SLC37A1: variants seen among roughly 807,000 people sequenced by gnomAD.
SLC37A1 encodes solute carrier family 37 member 1.
A neutral mutation model predicts 75.3 loss-of-function variants in SLC37A1; 49 were observed. The ratio of observed to expected loss-of-function variants is 0.65; its 90% CI spans 0.52 to 0.83. The LOEUF is 0.83. Among genes scored for constraint, SLC37A1 ranks in the 40% least tolerant of loss-of-function variants. SLC37A1 has a pLI of 0.00. For missense variants in SLC37A1, 566 were observed against 695.0 expected (o/e 0.81, Z 2.09); for synonymous variants, 268 against 292.1 (o/e 0.92, Z 0.84).
intron 9 of SLC37A1, among the ~76,000 whole-genome samples, chr21:42,550,219 C>T (rs1718070657): frequency 6.6e-6 from 1 of 152,194 alleles, no homozygotes; most frequent in African/African-American, 2.4e-5. Flanking sequence ...GATCATCCTG[C>T]ACCTAGACTG....
intron 18 of SLC37A1, among the ~76,000 whole-genome samples, chr21:42,578,231 C>T (rs758914705): frequency 4.6e-5 from 7 of 152,192 alleles, no homozygotes; most frequent in South Asian, 2.1e-4. Context: ...GCCTGGCGCA[C>T]GACCGAAGGC....
At chr21:42,535,428 TA>T (rs1238828802) in intron 4 of SLC37A1, 43 bp from the exon 5 acceptor site, 2 of 1,537,768 alleles carry the variant, frequency 1.3e-6, no homozygotes, top group Non-Finnish European at 1.8e-6. Flanking sequence ...GAACATAAAC[TA>T]AACAATACTG....
chr21:42,528,793 C>T (rs1454883149), intron 3 of SLC37A1, among the ~76,000 whole-genome samples: 1 of 152,136 alleles, frequency 6.6e-6, no homozygotes, highest in African/African-American at 2.4e-5. Context: ...CGCACCATTG[C>T]CCTCCAGCCT....
intron 2 of SLC37A1, among the ~76,000 whole-genome samples, chr21:42,523,315 G>A (rs2054699485): frequency 6.6e-6 from 1 of 152,226 alleles, no homozygotes; most frequent in Non-Finnish European, 1.5e-5. Context: ...GTACTCCAGT[G>A]AGGGCCGATC....
chr21:42,546,793 T>C (rs922707543), intron 8 of SLC37A1, among the ~76,000 whole-genome samples: 1 of 152,236 alleles, frequency 6.6e-6, no homozygotes, highest in Non-Finnish European at 1.5e-5. Flanking sequence ...AGGTATAAGA[T>C]GGCATCTTGT....
chr21:42,566,267 G>T (rs949136510), intron 15 of SLC37A1, among the ~76,000 whole-genome samples: 2 of 152,240 alleles, frequency 1.3e-5, no homozygotes, highest in Admixed American at 6.5e-5. Flanking sequence ...AGCAGCTCAG[G>T]CTGGCTCTTG....
rs115653040 is a variant in SLC37A1, at chr21:42,540,478, G to C, written c.486+831G>C. Among the ~76,000 whole-genome samples, 269 of 152,298 alleles carry C rather than the reference G, an allele frequency of 1.8e-3. 1 individual carries two copies. Among genetic ancestry groups the C allele is most frequent in the African/African-American group, 5.9e-3 (245 of 41,560 alleles). On this transcript the variant is annotated intron_variant, in intron 6 of 19. Transcript: ENST00000352133. ...GGATGCAAGGGCGGAAGGAAGGGCC[G>C]ACTTTGGAGTTGGGCAGCAGGAGGG...
rs1321858341 is a variant in SLC37A1, at chr21:42,575,055, G to A, written c.1521+140G>A. Reference sequence around the variant, plus strand: ...CTTCCCATCTTTTCTAAATATGCGTGGTCTAAAGCTCCTTCTCTCTCTGAT... The same window carrying A: ...CTTCCCATCTTTTCTAAATATGCGTAGTCTAAAGCTCCTTCTCTCTCTGAT... On this transcript the variant is annotated intron_variant, in intron 18 of 19. Coordinates refer to ENST00000352133, the MANE Select transcript of SLC37A1 (RefSeq NM_001320537.2). 2.1e-6 allele frequency: 3 copies of A among 1,441,550 alleles called. No homozygotes were observed. The African/African-American group carries it at 4.3e-5, about 21-fold the overall frequency. 89.3% of individuals were successfully genotyped at this position (1,441,550 alleles called of 1,614,324 possible).
At chr21:42,566,880 G>C in intron 15 of SLC37A1, 105 bp from the exon 16 acceptor site, 1 of 1,130,320 alleles carries the variant, frequency 8.8e-7, no homozygotes, top group Middle Eastern at 2.3e-4. Context: ...TGTTTCTGCT[G>C]CATCCCCTCC....
At chr21:42,572,498 C>G (rs907652533) in intron 17 of SLC37A1, among the ~76,000 whole-genome samples, 1 of 152,002 alleles carries the variant, frequency 6.6e-6, no homozygotes, top group African/African-American at 2.4e-5. Flanking sequence ...CCTGTTCTTT[C>G]TTACACTTTC....
At chr21:42,576,584 A>G (rs2056315073) in intron 18 of SLC37A1, among the ~76,000 whole-genome samples, 1 of 152,220 alleles carries the variant, frequency 6.6e-6, no homozygotes, top group African/African-American at 2.4e-5. Flanking sequence ...CCAAAACTGC[A>G]GATAAAAGAG....
chr21:42,548,864 G>A lies in SLC37A1; in HGVS notation c.768+1724G>A, dbSNP rs1023325415. On this transcript the variant is annotated intron_variant, in intron 9 of 19. Transcript: ENST00000352133. The surrounding 1 kb of genome is among the most constrained non-coding windows in gnomAD (Gnocchi z 5.6). Reference sequence around the variant, plus strand: ...GGCACCTGGGGCAGCACCTGGCCTCGTGCGGGAGGGGGGCCAGAGTCCTTT... The same window carrying A: ...GGCACCTGGGGCAGCACCTGGCCTCATGCGGGAGGGGGGCCAGAGTCCTTT... 2.6e-5 allele frequency among the ~76,000 whole-genome samples: 4 copies of A among 152,268 alleles called. No individual in the cohort carries two copies. Among genetic ancestry groups the A allele is most frequent in the East Asian group, 1.9e-4 (1 of 5,182 alleles).
intron 13 of SLC37A1, 32 bp downstream of exon 13, chr21:42,563,909 A>T: frequency 6.2e-7 from 1 of 1,613,024 alleles, no homozygotes; most frequent in Non-Finnish European, 8.5e-7. Flanking sequence ...CTGCTGCAAC[A>T]ATAATTTCGC....
At chr21:42,556,629 A>G (rs1449894954) in intron 10 of SLC37A1, among the ~76,000 whole-genome samples, 1 of 152,168 alleles carries the variant, frequency 6.6e-6, no homozygotes, top group East Asian at 1.9e-4. Flanking sequence ...AAGCCCCCAC[A>G]CCCACCGGGG....
chr21:42,530,595 T>TACACAC (rs71190427), intron 3 of SLC37A1, among the ~76,000 whole-genome samples: 1,388 of 102,960 alleles, frequency 0.013, 37 homozygotes, highest in East Asian at 0.038. Flanking sequence ...ATGCAGATGA[T>TACACAC]ACACACACAC....
intron 3 of SLC37A1, among the ~76,000 whole-genome samples, chr21:42,529,707 A>G (rs775740526): frequency 3.3e-5 from 5 of 152,258 alleles, no homozygotes; most frequent in Non-Finnish European, 5.9e-5. Context: ...AGCAGTTTAC[A>G]GACACGGAAT....
rs228083 is a variant in SLC37A1 at position 42,547,956 on chromosome 21, A to G, written c.768+816A>G. On this transcript the variant is annotated intron_variant, in intron 9 of 19. Coordinates refer to ENST00000352133, the MANE Select transcript of SLC37A1 (RefSeq NM_001320537.2). The surrounding 1 kb of genome is among the most constrained non-coding windows in gnomAD (Gnocchi z 6.1). ...CAGATCCCAGCAACGTCACCCGGAC[A>G]CATAGGGTGGTCAGCTCTCTGGCCT... Among the ~76,000 whole-genome samples the G allele has an allele frequency of 0.45, 69,060 of 151,962 alleles. 16,642 individuals carry two copies. Among genetic ancestry groups the G allele is most frequent in the Admixed American group, 0.62 (9,421 of 15,280 alleles).
Position 42,568,372 on chromosome 21 carries a change from A to C in SLC37A1, c.1357A>C (p.Ser453Arg). 6 of 1,614,096 alleles carry C rather than the reference A, an allele frequency of 3.7e-6. No individual in the cohort carries two copies. The South Asian group carries it at 6.6e-5, about 18-fold the overall frequency. ...AVSADLGTHKSLKGNAHALST... is the reference protein window; with the variant it reads ...AVSADLGTHKRLKGNAHALST... ...TCCTCTCTTCTAGGGGACTCATAAAAGTCTGAAAGGCAACGCGCACGCCCT... is the reference window on the plus strand; with the variant it reads ...TCCTCTCTTCTAGGGGACTCATAAACGTCTGAAAGGCAACGCGCACGCCCT... Residue 453 changes from serine (S) to arginine (R), a missense_variant, in exon 17 of 20, where the codon AGT (serine) becomes CGT (arginine). Ser to Arg is a moderately radical substitution (Grantham distance 110, BLOSUM62 -1). Transcript: ENST00000352133.
chr21:42,519,114 T>C (rs1276146504), intron 2 of SLC37A1, among the ~76,000 whole-genome samples: 1 of 152,172 alleles, frequency 6.6e-6, no homozygotes, highest in Non-Finnish European at 1.5e-5. Flanking sequence ...AAAACTTTGC[T>C]TCTACCCTCG....
Sources: gnomAD v4.1 joint callset for allele counts (sites outside exome capture counted in the v4.1 genomes callset) on GRCh38, gnomAD v4.1.1 for gene constraint, Gnocchi (gnomAD v3.1) non-coding constraint, MANE v1.5 for transcripts, NCBI Gene and HGNC (gene_info 2026-07-23, HGNC 2026-07-21) for gene names.